THADA: variants seen among roughly 807,000 people sequenced by gnomAD.
THADA encodes the protein THADA armadillo repeat containing, also known as tRNA (32-2'-O)-methyltransferase regulator THADA.
THADA carries 213 observed loss-of-function variants against 219.8 expected under a neutral mutation model. The observed-to-expected ratio is 0.97, with a 90% CI of 0.87 to 1.09. THADA has a LOEUF of 1.09. Ranked by LOEUF, THADA falls within the 50% of genes least tolerant of loss-of-function variation. The pLI is 0.00. For synonymous variants in THADA, 1,018 were observed against 828.9 expected (o/e 1.23, Z -3.92); for missense variants, 2,956 against 2,311.3 (o/e 1.28, Z -5.72).
At chr2:43,328,768 T>G (rs79026348) in intron 30 of THADA, among the ~76,000 whole-genome samples, 13 of 152,358 alleles carry the variant, frequency 8.5e-5, no homozygotes, top group African/African-American at 3.1e-4. Context: ...CAAAAGGTAC[T>G]GGGGTCCTCT....
At chr2:43,350,328 G>T (rs768430186) in intron 29 of THADA, among the ~76,000 whole-genome samples, 24 of 152,134 alleles carry the variant, frequency 1.6e-4, no homozygotes, top group African/African-American at 4.6e-4. Flanking sequence ...ATCACTGCTG[G>T]GAAACAGATA....
intron 29 of THADA, among the ~76,000 whole-genome samples, chr2:43,390,004 G>C (rs1021002218): frequency 6.6e-6 from 1 of 152,162 alleles, no homozygotes; most frequent in South Asian, 2.1e-4. Context: ...ACCTGACATA[G>C]TATGTACTTA....
chr2:43,549,419 A>G (rs752523571), intron 19 of THADA, 51 bp from the exon 20 acceptor site: 115 of 1,532,196 alleles, frequency 7.5e-5, no homozygotes, highest in South Asian at 6.3e-4. Context: ...ATCACATGCC[A>G]GATTTCCCTT....
intron 34 of THADA, among the ~76,000 whole-genome samples, chr2:43,291,471 A>AAAAAAAAAAAAAAAAAAAAAAAAAAAAC (rs1674706888): frequency 6.8e-6 from 1 of 147,322 alleles, no homozygotes; most frequent in Non-Finnish European, 1.5e-5. Flanking sequence ...AAAAAAAAAA[A>AAAAAAAAAAAAAAAAAAAAAAAAAAAAC]AAAAAAAAAA....
chr2:43,375,352 CTA>C, intron 29 of THADA, among the ~76,000 whole-genome samples: 1 of 152,268 alleles, frequency 6.6e-6, no homozygotes, highest in African/African-American at 2.4e-5. Context: ...GTCAATGAAA[CTA>C]TCAATGGAGC....
At chr2:43,464,992 G>C (rs1429378232) in intron 26 of THADA, among the ~76,000 whole-genome samples, 1 of 152,020 alleles carries the variant, frequency 6.6e-6, no homozygotes, top group Non-Finnish European at 1.5e-5. Context: ...CAGAATTGAA[G>C]ATAAAAGCTG....
chr2:43,320,602 G>T (rs1678593411), intron 30 of THADA, 62 bp from the exon 31 acceptor site: 2 of 1,263,146 alleles, frequency 1.6e-6, no homozygotes, highest in Non-Finnish European at 2.3e-6. Flanking sequence ...TGGGTCTCAG[G>T]AAGGAGAACA....
intron 23 of THADA, among the ~76,000 whole-genome samples, chr2:43,507,238 T>G (rs1191044904): frequency 6.6e-6 from 1 of 152,168 alleles, no homozygotes; most frequent in Non-Finnish European, 1.5e-5. Context: ...ACCACGGCTT[T>G]TTTCTCCCAA....
chr2:43,434,926 G>A (rs1184326792), intron 26 of THADA, among the ~76,000 whole-genome samples: 1 of 152,168 alleles, frequency 6.6e-6, no homozygotes, highest in Non-Finnish European at 1.5e-5. Context: ...TGGGGCTTCA[G>A]CCGTAAACAT....
At chr2:43,506,706 G>C (rs1350459681) in intron 23 of THADA, among the ~76,000 whole-genome samples, 1 of 151,974 alleles carries the variant, frequency 6.6e-6, no homozygotes, top group Non-Finnish European at 1.5e-5. Context: ...ACTTTAAAAG[G>C]GTGACTATAT....
In THADA at chr2:43,317,210, G is replaced by T. The variant is rs546106106; in HGVS notation, c.4438+3236C>A. ...CTGGACTTTGTGAGCTAATAATGGAGGCAGATATATATTTACATACACACA... is the reference window on the plus strand; with the variant it reads ...CTGGACTTTGTGAGCTAATAATGGATGCAGATATATATTTACATACACACA... On this transcript the variant is annotated intron_variant, in intron 31 of 37. Transcript: ENST00000405975. 2.0e-5 allele frequency among the ~76,000 whole-genome samples: 3 copies of T among 152,224 alleles called. No homozygotes were observed. In the South Asian group the frequency reaches 6.2e-4, roughly 32 times the overall value.
At chr2:43,399,962 T>A (rs72879276) in intron 28 of THADA, among the ~76,000 whole-genome samples, 12,868 of 152,198 alleles carry the variant, frequency 0.085, 596 homozygotes, top group Non-Finnish European at 0.1. Flanking sequence ...AGGCAGTCAT[T>A]TGTTGGAAGC....
At chr2:43,531,296 G>T (rs1693831965) in intron 21 of THADA, among the ~76,000 whole-genome samples, 2 of 152,216 alleles carry the variant, frequency 1.3e-5, no homozygotes, top group South Asian at 4.1e-4. Flanking sequence ...TAATTAACAT[G>T]AGAAGAGGCT....
At chr2:43,335,151 A>G (rs1666263944) in intron 30 of THADA, among the ~76,000 whole-genome samples, 1 of 152,188 alleles carries the variant, frequency 6.6e-6, no homozygotes, top group Admixed American at 6.5e-5. Flanking sequence ...CTAGTGAATG[A>G]GAGTCTTCAT....
intron 28 of THADA, chr2:43,408,187 C>T (rs963713027): frequency 6.6e-6 from 1 of 152,178 alleles, no homozygotes; most frequent in African/African-American, 2.4e-5. Context: ...TATGAAGAAC[C>T]CCACAGCAGA....
chr2:43,262,935 C>T (rs1671121667), intron 36 of THADA, among the ~76,000 whole-genome samples: 1 of 152,202 alleles, frequency 6.6e-6, no homozygotes. Context: ...GGCGTCCCCT[C>T]CCCACTTCTG....
chr2:43,591,120 C>T (rs190461900), intron 3 of THADA, among the ~76,000 whole-genome samples, 166 bp from the exon 4 acceptor site: 2 of 151,978 alleles, frequency 1.3e-5, no homozygotes, highest in East Asian at 1.9e-4. Context: ...CAGGAGAGTT[C>T]GAGACAAGCT....
At chr2:43,285,608 G>C (rs1572912044) in intron 35 of THADA, among the ~76,000 whole-genome samples, 2 of 149,950 alleles carry the variant, frequency 1.3e-5, no homozygotes, top group South Asian at 4.2e-4. Context: ...TCCTTGCCCA[G>C]ACTGGAGTGC....
Position 43,279,913 on chromosome 2 carries a change from G to GA in THADA, c.5165-18dup. The GA allele has an allele frequency of 6.7e-7, 1 of 1,500,260 alleles. No homozygotes were observed. Among genetic ancestry groups the GA allele is most frequent in the Non-Finnish European group, 8.8e-7 (1 of 1,130,548 alleles). 92.9% of individuals were successfully genotyped at this position (1,500,260 alleles called of 1,614,324 possible). ...CCTGCAACTCTAAGAAGACCAAAAG[G>GA]AATCTGAATTACCTAGAATGCAATT... On this transcript the variant is annotated splice_polypyrimidine_tract_variant and intron_variant, in intron 35 of 37. Transcript: ENST00000405975.
Sources: allele counts gnomAD v4.1 joint callset (sites outside exome capture counted in the v4.1 genomes callset), GRCh38; gene constraint gnomAD v4.1.1; transcripts MANE v1.5; gene names NCBI Gene and HGNC (gene_info 2026-07-23, HGNC 2026-07-21).